BMPER: variants seen among roughly 807,000 people sequenced by gnomAD.
BMPER encodes BMP binding endothelial regulator.
BMPER carries 45 observed loss-of-function variants against 87.3 expected under a neutral mutation model. The ratio of observed to expected loss-of-function variants is 0.52; its 90% CI spans 0.41 to 0.66. The LOEUF (loss-of-function observed/expected upper bound fraction) is 0.66. Among genes scored for constraint, BMPER ranks in the 30% least tolerant of loss-of-function variants. BMPER has a pLI of 0.00. For synonymous variants in BMPER, 326 were observed against 316.2 expected (o/e 1.03, Z -0.33); for missense variants, 784 against 867.5 (o/e 0.90, Z 1.21).
chr7:34,043,769 C>G (rs938953733), intron 6 of BMPER, among the ~76,000 whole-genome samples: 1 of 152,112 alleles, frequency 6.6e-6, no homozygotes, highest in African/African-American at 2.4e-5. Flanking sequence ...GAAAGAAGGC[C>G]TGGTCACATT....
rs117988035 is a variant in BMPER, at chr7:34,051,958, T to G, written c.774T>G (p.Ala258=). ...CATTTCTGTACGATAACTGCACAGC[T>G]TGTACCTGCAGGGTAAGGCAGCTCT... The part of the protein sequence containing the change: ...GSSFLYDNCT[A]CTCRDSTVVC... Residue 258 remains alanine (A), a synonymous_variant, in exon 8 of 15, where the codon GCT becomes GCG. Transcript: ENST00000649409. 18,818 of 1,613,166 alleles carry G rather than the reference T, an allele frequency of 0.012. 147 individuals are homozygous for G. Among genetic ancestry groups the G allele is most frequent in the Middle Eastern group, 0.032 (193 of 6,056 alleles).
intron 2 of BMPER, among the ~76,000 whole-genome samples, chr7:33,924,431 G>A (rs568565091): frequency 1.4e-4 from 22 of 152,224 alleles, no homozygotes; most frequent in African/African-American, 5.1e-4. Context: ...TGCGCGCTGC[G>A]GCTCCGGACG....
intron 6 of BMPER, among the ~76,000 whole-genome samples, chr7:34,024,384 A>AATATATATAT (rs200214350): frequency 7.7e-4 from 18 of 23,428 alleles, no homozygotes; most frequent in Non-Finnish European, 9.5e-4. Context: ...AAAAAAAAAC[A>AATATATATAT]ATATATATAT....
At chr7:33,940,111 TAC>T (rs1409925201) in intron 3 of BMPER, 1 of 164,962 alleles carries the variant, frequency 6.1e-6, no homozygotes, top group African/African-American at 2.4e-5. Flanking sequence ...AGGAAAAAAA[TAC>T]AGTCTCACCA....
intron 13 of BMPER, among the ~76,000 whole-genome samples, chr7:34,134,235 G>A (rs1790663351): frequency 6.6e-6 from 1 of 152,170 alleles, no homozygotes; most frequent in African/African-American, 2.4e-5. Flanking sequence ...ACAAGTTTAA[G>A]AGAAGAGTGA....
chr7:34,119,806 A>G (rs1294118858), intron 13 of BMPER, among the ~76,000 whole-genome samples: 3 of 152,210 alleles, frequency 2.0e-5, no homozygotes, highest in African/African-American at 4.8e-5. Context: ...TAGGAAAAGT[A>G]GTTATATATG....
At chr7:33,971,748 G>A (rs570434461) in intron 5 of BMPER, among the ~76,000 whole-genome samples, 1 of 152,232 alleles carries the variant, frequency 6.6e-6, no homozygotes, top group East Asian at 1.9e-4. Context: ...AATCTCTGAG[G>A]AACACTCGGG....
chr7:33,974,274 C>A (rs532969999), intron 5 of BMPER, among the ~76,000 whole-genome samples: 1 of 152,158 alleles, frequency 6.6e-6, no homozygotes, highest in Admixed American at 6.5e-5. Flanking sequence ...GAGGCTGTGC[C>A]CTTCTTAGGT....
At chr7:33,938,357 A>C (rs554099177) in intron 3 of BMPER, among the ~76,000 whole-genome samples, 2 of 152,192 alleles carry the variant, frequency 1.3e-5, no homozygotes, top group South Asian at 4.1e-4. Flanking sequence ...GGCCCTTTGC[A>C]GATATAGTTA....
chr7:34,050,372 T>G (rs1381194070), intron 7 of BMPER, among the ~76,000 whole-genome samples: 1 of 152,054 alleles, frequency 6.6e-6, no homozygotes, highest in Admixed American at 6.6e-5. Flanking sequence ...AAGATCCAAA[T>G]TATAACTCAC....
intron 3 of BMPER, among the ~76,000 whole-genome samples, chr7:33,944,326 C>G (rs905258825): frequency 6.6e-6 from 1 of 151,868 alleles, no homozygotes; most frequent in Non-Finnish European, 1.5e-5. Flanking sequence ...CCACAATGCC[C>G]GGCAATTTTT....
rs534036301 is a variant in BMPER at position 34,116,818 on chromosome 7, C to T, written c.1746-26412C>T. On this transcript the variant is annotated intron_variant, in intron 13 of 14. Coordinates refer to ENST00000649409, the MANE Select transcript of BMPER (RefSeq NM_001365308.1). ...CAGCCTGGCCAACATGGCAAAATTC[C>T]GTCTCTACTAGAAATACAAAAATGA... Among the ~76,000 whole-genome samples, 183 of 152,146 alleles carry T rather than the reference C, an allele frequency of 1.2e-3. 1 individual carries two copies. Among genetic ancestry groups the T allele is most frequent in the Non-Finnish European group, 4.3e-4 (29 of 68,002 alleles).
At chr7:34,138,943 A>G (rs1274781410) in intron 13 of BMPER, among the ~76,000 whole-genome samples, 2 of 152,216 alleles carry the variant, frequency 1.3e-5, no homozygotes, top group Admixed American at 6.5e-5. Flanking sequence ...TGTAAAATGA[A>G]TATAAATGTA....
intron 5 of BMPER, among the ~76,000 whole-genome samples, chr7:33,971,465 C>G (rs1267620076): frequency 6.6e-6 from 1 of 152,206 alleles, no homozygotes; most frequent in African/African-American, 2.4e-5. Flanking sequence ...TTGTATTGTT[C>G]ATGAGCTTAC....
intron 13 of BMPER, among the ~76,000 whole-genome samples, chr7:34,089,722 G>C (rs1032214150): frequency 3.3e-5 from 5 of 152,156 alleles, no homozygotes; most frequent in Admixed American, 1.3e-4. Flanking sequence ...GACCTCAGGT[G>C]ATCTGCCTGC....
intron 6 of BMPER, among the ~76,000 whole-genome samples, chr7:33,981,806 T>G (rs1004599975): frequency 6.6e-6 from 1 of 152,198 alleles, no homozygotes; most frequent in African/African-American, 2.4e-5. Context: ...GAAAAAGAGA[T>G]TCATTTCAGC....
At chr7:33,936,358 C>T (rs1222444924) in intron 2 of BMPER, among the ~76,000 whole-genome samples, 1 of 152,122 alleles carries the variant, frequency 6.6e-6, no homozygotes, top group South Asian at 2.1e-4. Context: ...ATCTTCATCT[C>T]GAGTTCCATC....
intron 3 of BMPER, among the ~76,000 whole-genome samples, chr7:33,944,847 T>C (rs1468342579): frequency 2.0e-5 from 3 of 152,250 alleles, no homozygotes; most frequent in Non-Finnish European, 2.9e-5. Flanking sequence ...TCTTTACTAC[T>C]ATGCTCATTC....
intron 2 of BMPER, among the ~76,000 whole-genome samples, chr7:33,909,216 G>T (rs1783894122): frequency 6.6e-6 from 1 of 152,124 alleles, no homozygotes; most frequent in Non-Finnish European, 1.5e-5. Context: ...GAGGCATAGG[G>T]GGCTAAGTAG....
Sources: allele counts gnomAD v4.1 joint callset (sites outside exome capture counted in the v4.1 genomes callset), GRCh38; gene constraint gnomAD v4.1.1; transcripts MANE v1.5; gene names NCBI Gene and HGNC (gene_info 2026-07-23, HGNC 2026-07-21).